Variants in MYOM1 observed in about 807,000 individuals in gnomAD.
The protein encoded by MYOM1 is myomesin 1.
In MYOM1, 164 loss-of-function variants were observed where a neutral mutation model predicts 205.3. The observed-to-expected ratio is 0.80, with a 90% CI of 0.70 to 0.91. The LOEUF (loss-of-function observed/expected upper bound fraction) is 0.91. MYOM1 is among the 40% of genes least tolerant of loss of function. MYOM1 has a pLI of 0.00. For synonymous variants in MYOM1, 772 were observed against 789.4 expected (o/e 0.98, Z 0.37); for missense variants, 2,011 against 2,127.3 (o/e 0.95, Z 1.08).
chr18:3,214,612 T>C (rs1381872584), intron 2 of MYOM1, among the ~76,000 whole-genome samples: 1 of 151,952 alleles, frequency 6.6e-6, no homozygotes, highest in Non-Finnish European at 1.5e-5. Context: ...ACACCTGAGG[T>C]CAGGGGCTCA....
intron 2 of MYOM1, among the ~76,000 whole-genome samples, chr18:3,196,875 A>G (rs1206461537): frequency 6.6e-6 from 1 of 152,228 alleles, no homozygotes; most frequent in Admixed American, 6.5e-5. Flanking sequence ...CTGAACAGAA[A>G]ATATCATAAC....
At chr18:3,123,254 T>C (rs550821478) in intron 19 of MYOM1, among the ~76,000 whole-genome samples, 1 of 152,302 alleles carries the variant, frequency 6.6e-6, no homozygotes, top group African/African-American at 2.4e-5. Flanking sequence ...TGAATATACA[T>C]AGACTCCAAA....
intron 10 of MYOM1, among the ~76,000 whole-genome samples, chr18:3,155,377 A>G (rs905404346): frequency 5.3e-5 from 8 of 152,196 alleles, no homozygotes; most frequent in South Asian, 2.1e-4. Context: ...ACCCGCCACC[A>G]CGCCCAGCTA....
chr18:3,235,281 A>G, the MYOM1 span, among the ~76,000 whole-genome samples: 4 of 152,070 alleles, frequency 2.6e-5, no homozygotes, highest in Non-Finnish European at 5.9e-5. Flanking sequence ...ATTTCCTACC[A>G]TTACCACACT....
intron 16 of MYOM1, among the ~76,000 whole-genome samples, chr18:3,132,919 C>CCAGAGGAAA (rs2079898986): frequency 6.6e-6 from 1 of 152,136 alleles, no homozygotes; most frequent in Non-Finnish European, 1.5e-5. Context: ...AATAACAGGT[C>CCAGAGGAAA]TGCTAACGAA....
chr18:3,114,860 TTCTC>T (rs1567912927), intron 21 of MYOM1, among the ~76,000 whole-genome samples: 1 of 152,136 alleles, frequency 6.6e-6, no homozygotes, highest in Non-Finnish European at 1.5e-5. Flanking sequence ...CAGTCTCTCT[TTCTC>T]TCTCTGTCTC....
intron 5 of MYOM1, among the ~76,000 whole-genome samples, chr18:3,186,969 AAAGAAAG>A (rs913916950): frequency 3.3e-5 from 5 of 151,396 alleles, no homozygotes; most frequent in African/African-American, 1.2e-4. Context: ...AAGAAAAAGA[AAAGAAAG>A]AAGAAAGAAA....
intron 34 of MYOM1, among the ~76,000 whole-genome samples, chr18:3,076,941 C>T (rs528246468): frequency 1.3e-5 from 2 of 151,488 alleles, no homozygotes; most frequent in South Asian, 2.1e-4. Context: ...CTCGATCTCC[C>T]GACCTCGTGA....
In MYOM1 at chr18:3,082,883, A is replaced by C. The variant is rs189531514; in HGVS notation, c.4484+906T>G. Among the ~76,000 whole-genome samples the C allele has an allele frequency of 5.8e-4, 88 of 152,288 alleles. 1 individual carries two copies. Among genetic ancestry groups the C allele is most frequent in the African/African-American group, 1.7e-3 (72 of 41,564 alleles). On this transcript the variant is annotated intron_variant, in intron 33 of 37. Coordinates refer to ENST00000356443, the MANE Select transcript of MYOM1 (RefSeq NM_003803.4). ...GATCTCCAAAGCCTTCTGAGAGTGG[A>C]CCAGAAACATGCTAATGTCTCACTC...
upstream of MYOM1, among the ~76,000 whole-genome samples, chr18:3,220,587 A>C (rs1327199569): frequency 6.6e-6 from 1 of 152,194 alleles, no homozygotes; most frequent in Non-Finnish European, 1.5e-5. Context: ...TCCATCTAAT[A>C]AGAGATTCTC....
rs2080957100 is a variant in MYOM1, at chr18:3,193,974, T to C, written c.291-16A>G. 1.2e-6 allele frequency: 2 copies of C among 1,611,130 alleles called. No homozygotes were observed. Among genetic ancestry groups the C allele is most frequent in the Non-Finnish European group, 1.7e-6 (2 of 1,178,766 alleles). Reference sequence around the variant, plus strand: ...ATCTGTAAGTCTGAAATAAACCACCTAACATCAGACAGTAACAAAAAAAGG... The same window carrying C: ...ATCTGTAAGTCTGAAATAAACCACCCAACATCAGACAGTAACAAAAAAAGG... On this transcript the variant is annotated splice_polypyrimidine_tract_variant and intron_variant, in intron 2 of 37. Transcript: ENST00000356443.
At position 3,115,463 on chromosome 18, in the gene MYOM1, A is replaced by G. The variant is rs115350146; in HGVS notation, c.3303+868T>C. Among the ~76,000 whole-genome samples, 319 of 152,308 alleles carry G rather than the reference A, an allele frequency of 2.1e-3. 1 individual carries two copies. Among genetic ancestry groups the G allele is most frequent in the African/African-American group, 7.2e-3 (299 of 41,580 alleles). ...CAGGGAGAGATCTTTTTGGCCAGGT[A>G]TACTTTGAGTATCTTCCAAAGCCCA... On this transcript the variant is annotated intron_variant, in intron 21 of 37. Coordinates refer to ENST00000356443, the MANE Select transcript of MYOM1 (RefSeq NM_003803.4).
intron 34 of MYOM1, among the ~76,000 whole-genome samples, chr18:3,076,448 C>T (rs1274216571): frequency 1.3e-5 from 2 of 152,098 alleles, no homozygotes; most frequent in African/African-American, 4.8e-5. Flanking sequence ...AAAACTTTGT[C>T]TTATTAAATT....
At chr18:3,194,018 T>C (rs1423587150) in intron 2 of MYOM1, 60 bp from the exon 3 acceptor site, 26 of 1,555,520 alleles carry the variant, frequency 1.7e-5, no homozygotes, top group Non-Finnish European at 2.3e-5. Flanking sequence ...ATATTCAAAA[T>C]ACGATAGAGG....
intron 11 of MYOM1, 42 bp downstream of exon 11, chr18:3,154,905 T>C (rs1213699229): frequency 1.9e-6 from 3 of 1,589,190 alleles, no homozygotes; most frequent in Non-Finnish European, 2.6e-6. Context: ...CACGCATCTC[T>C]ATGACCAAAT....
chr18:3,154,468 T>C (rs753297282), intron 11 of MYOM1, among the ~76,000 whole-genome samples: 16 of 151,956 alleles, frequency 1.1e-4, no homozygotes, highest in Admixed American at 6.6e-4. Context: ...TCTACCTACC[T>C]ATTTACCTAA....
intron 9 of MYOM1, among the ~76,000 whole-genome samples, chr18:3,165,188 A>G (rs2080450163): frequency 6.6e-6 from 1 of 152,220 alleles, no homozygotes; most frequent in South Asian, 2.1e-4. Flanking sequence ...GGGACAATCT[A>G]GAATCTAGAA....
chr18:3,096,153 T>C (rs1054582601), intron 25 of MYOM1, among the ~76,000 whole-genome samples: 2 of 152,126 alleles, frequency 1.3e-5, no homozygotes, highest in Non-Finnish European at 2.9e-5. Context: ...CGTGCCTACA[T>C]AGAGATAGCC....
chr18:3,068,626 G>A (rs2078925196), intron 37 of MYOM1, among the ~76,000 whole-genome samples: 2 of 152,062 alleles, frequency 1.3e-5, no homozygotes, highest in Non-Finnish European at 2.9e-5. Flanking sequence ...TATATAAATA[G>A]AATCATGCAC....
Sources: gnomAD v4.1 joint callset for allele counts (sites outside exome capture counted in the v4.1 genomes callset) on GRCh38, gnomAD v4.1.1 for gene constraint, MANE v1.5 for transcripts, NCBI Gene and HGNC (gene_info 2026-07-23, HGNC 2026-07-21) for gene names.